RSPH3: variants seen among roughly 807,000 people sequenced by gnomAD.
The protein encoded by RSPH3 is radial spoke head 3.
In RSPH3, 21 loss-of-function variants were observed where a neutral mutation model predicts 43.8. The ratio of observed to expected loss-of-function variants is 0.48; its 90% CI spans 0.34 to 0.69. RSPH3 has a LOEUF of 0.69. Ranked by LOEUF, RSPH3 falls within the 30% of genes least tolerant of loss-of-function variation. RSPH3 has a pLI of 0.01. For synonymous variants in RSPH3, 173 were observed against 179.8 expected (o/e 0.96, Z 0.30); for missense variants, 487 against 516.0 (o/e 0.94, Z 0.54).
At position 158,982,675 on chromosome 6, in the gene RSPH3, T is replaced by C; in HGVS notation, c.506A>G (p.Asp169Gly). 6.8e-6 allele frequency: 11 copies of C among 1,612,800 alleles called. No homozygotes were observed. The highest frequency in any genetic ancestry group is 8.5e-6 in the Non-Finnish European group (10 of 1,179,040). ...QILEGELFDFDLEVKPVLEVL... is the reference protein window; with the variant it reads ...QILEGELFDFGLEVKPVLEVL... ...TTCTAACACTGGTTTAACTTCAAGA[T>C]CAAAGTCAAAGAGCTTAAACATACA... Residue 169 changes from aspartate to glycine, a missense_variant, in exon 5 of 8, where the codon GAT becomes GGT. Physicochemically the swap from Asp to Gly is moderately conservative, Grantham distance 94. Coordinates refer to ENST00000367069, the MANE Select transcript of RSPH3 (RefSeq NM_031924.8).
rs3756987 is a variant in RSPH3 at position 158,977,668 on chromosome 6, C to T, written c.1127G>A (p.Gly376Asp). 0.13 allele frequency: 207,675 copies of T among 1,613,430 alleles called. 20,467 individuals carry two copies. Among genetic ancestry groups the T allele is most frequent in the East Asian group, 0.46 (20,490 of 44,824 alleles). ...SQTRELLLDGGYLQRTTYDRR... is the reference protein window; with the variant it reads ...SQTRELLLDGDYLQRTTYDRR... ...GTCATATGTTGTTCTTTGTAGGTAG[C>T]CTCCATCTAAAAGCAGCTCCCGTGT... Residue 376 changes from glycine to aspartate, a missense_variant, in exon 8 of 8, where the codon GGC (glycine) becomes GAC (aspartate). Coordinates refer to ENST00000367069, the MANE Select transcript of RSPH3 (RefSeq NM_031924.8).
downstream of RSPH3, among the ~76,000 whole-genome samples, chr6:158,968,852 C>T (rs1237227930): frequency 1.3e-5 from 2 of 151,854 alleles, no homozygotes; most frequent in African/African-American, 4.8e-5. Context: ...GCTGGGACTA[C>T]AGGTGTGCGC....
chr6:158,980,555 A>C lies in RSPH3; in HGVS notation c.859+219T>G, dbSNP rs10455838. On this transcript the variant is annotated intron_variant, in intron 6 of 7. Coordinates refer to ENST00000367069, the MANE Select transcript of RSPH3 (RefSeq NM_031924.8). ...AAGTCCATATTTCTTTCTACTATACAAATGTTGCTTCTCAATAAACAAATA... is the reference window on the plus strand; with the variant it reads ...AAGTCCATATTTCTTTCTACTATACCAATGTTGCTTCTCAATAAACAAATA... 0.018 allele frequency among the ~76,000 whole-genome samples: 2,714 copies of C among 152,324 alleles called. 34 individuals are homozygous for C. The highest frequency in any genetic ancestry group is 0.024 in the Middle Eastern group (7 of 294).
In RSPH3 at chr6:158,999,993, G is replaced by C; in HGVS notation, c.-443C>G. On this transcript the variant is annotated 5_prime_UTR_variant, in exon 1 of 8. Transcript: ENST00000367069. ...GACCGTCATCCTTGAGGCCTGCGGG[G>C]CAACGGTGGCTGTCCTTGGCCCGGC... 6.4e-7 allele frequency: 1 copy of C among 1,561,334 alleles called. No individual in the cohort carries two copies. Among genetic ancestry groups the C allele is most frequent in the Non-Finnish European group, 8.7e-7 (1 of 1,152,928 alleles).
chr6:158,983,532 A>G (rs1778109324), intron 4 of RSPH3, 130 bp downstream of exon 4: 2 of 750,944 alleles, frequency 2.7e-6, no homozygotes, highest in South Asian at 3.0e-5. Context: ...ATTATAGATA[A>G]TATCTGGAAA....
At chr6:158,964,117 A>T in the RSPH3 span, among the ~76,000 whole-genome samples, 3 of 152,182 alleles carry the variant, frequency 2.0e-5, no homozygotes, top group Non-Finnish European at 4.4e-5. Flanking sequence ...CAGACCAATA[A>T]CTTTTCAAAA....
At chr6:158,988,521 C>A (rs553151349) in intron 2 of RSPH3, among the ~76,000 whole-genome samples, 1 of 152,250 alleles carries the variant, frequency 6.6e-6, no homozygotes, top group South Asian at 2.1e-4. Context: ...TAATTCTTAG[C>A]TTTGATCCTT....
intron 3 of RSPH3, among the ~76,000 whole-genome samples, chr6:158,984,032 G>T (rs1407137413): frequency 6.6e-6 from 1 of 152,026 alleles, no homozygotes; most frequent in Admixed American, 6.6e-5. Flanking sequence ...CACTCGGGAG[G>T]CTGAGGTGGG....
rs936399598 is a variant in RSPH3 at position 158,993,406 on chromosome 6, G to A, written c.204+433C>T. On this transcript the variant is annotated intron_variant, in intron 2 of 7. Coordinates refer to ENST00000367069, the MANE Select transcript of RSPH3 (RefSeq NM_031924.8). ...GCTGGGATTACAGGCGTGAGCCACC[G>A]CGCCCGGCCAACTGGGGCTTGCTTT... is the stretch of plus-strand genomic sequence containing the variant. 1.0e-4 allele frequency among the ~76,000 whole-genome samples: 15 copies of A among 150,292 alleles called. 1 individual carries two copies. The highest frequency in any genetic ancestry group is 4.2e-4 in the South Asian group (2 of 4,742).
chr6:158,983,902 G>C, intron 3 of RSPH3, 95 bp from the exon 4 acceptor site: 2 of 838,694 alleles, frequency 2.4e-6, no homozygotes, highest in South Asian at 1.5e-5. Context: ...GGGAGGCCGA[G>C]GAGGGTGCAT....
At chr6:158,996,847 G>A (rs1778612233) in intron 1 of RSPH3, among the ~76,000 whole-genome samples, 1 of 152,170 alleles carries the variant, frequency 6.6e-6, no homozygotes, top group Non-Finnish European at 1.5e-5. Flanking sequence ...AACTCACATG[G>A]AAATTTAATT....
chr6:158,994,716 T>TA (rs755186831), intron 1 of RSPH3, among the ~76,000 whole-genome samples: 2 of 152,182 alleles, frequency 1.3e-5, no homozygotes, highest in African/African-American at 2.4e-5. Context: ...TGATTGCTAG[T>TA]AAAAAATACA....
intron 1 of RSPH3, among the ~76,000 whole-genome samples, chr6:158,994,541 C>A (rs939917392): frequency 1.3e-5 from 2 of 152,138 alleles, no homozygotes; most frequent in South Asian, 2.1e-4. Context: ...ATCCCAGCTG[C>A]TCTGGAGCCT....
chr6:158,983,637 G>A, intron 4 of RSPH3, 25 bp downstream of exon 4: 4 of 1,588,794 alleles, frequency 2.5e-6, no homozygotes, highest in Non-Finnish European at 3.5e-6. Flanking sequence ...AGATTATAGA[G>A]GGAAGCCCAA....
In RSPH3 at chr6:158,977,518, A is replaced by G. The variant is rs777418966; in HGVS notation, c.*20T>C. The G allele has an allele frequency of 2.5e-6, 4 of 1,575,612 alleles. No homozygotes were observed. Among genetic ancestry groups the G allele is most frequent in the Non-Finnish European group, 3.4e-6 (4 of 1,164,962 alleles). ...GCTGACTTGGCTGTTGATTGGTTTC[A>G]TGACTTTGAAGCTTCCCTCCTATGA... On this transcript the variant is annotated 3_prime_UTR_variant, in exon 8 of 8. Transcript: ENST00000367069.
chr6:158,965,726 C>G, the RSPH3 span, among the ~76,000 whole-genome samples: 1 of 152,008 alleles, frequency 6.6e-6, no homozygotes, highest in Non-Finnish European at 1.5e-5. Context: ...TTTAATTTTT[C>G]CTTTCCAATC....
intron 2 of RSPH3, among the ~76,000 whole-genome samples, chr6:158,987,257 T>C (rs1778265639): frequency 6.6e-6 from 1 of 152,200 alleles, no homozygotes; most frequent in African/African-American, 2.4e-5. Flanking sequence ...GTCTTTGATT[T>C]GTAGTTTATC....
intron 3 of RSPH3, among the ~76,000 whole-genome samples, chr6:158,984,434 T>TTATATATATATATATA (rs55999313): frequency 3.3e-4 from 21 of 63,642 alleles, no homozygotes; most frequent in Admixed American, 6.4e-4. Context: ...AAAAAGTCAA[T>TTATATATATATATATA]TATATATATA....
At chr6:158,972,168 T>A (rs2128603786), downstream of RSPH3, among the ~76,000 whole-genome samples, 1 of 152,288 alleles carries the variant, frequency 6.6e-6, no homozygotes, top group African/African-American at 2.4e-5. Context: ...TAGAGAAATT[T>A]CTAATAATGA....
Sources: allele counts gnomAD v4.1 joint callset (sites outside exome capture counted in the v4.1 genomes callset), GRCh38; gene constraint gnomAD v4.1.1; transcripts MANE v1.5; gene names NCBI Gene and HGNC (gene_info 2026-07-23, HGNC 2026-07-21).